Variants in RUNDC3B observed in about 807,000 individuals in gnomAD.
RUNDC3B encodes the protein RUN domain containing 3B.
RUNDC3B carries 33 observed loss-of-function variants against 58.4 expected under a neutral mutation model. The observed-to-expected ratio is 0.56, with a 90% CI of 0.43 to 0.75. The LOEUF is 0.75. Among genes scored for constraint, RUNDC3B ranks in the 30% least tolerant of loss-of-function variants. The pLI, the probability that RUNDC3B is intolerant of heterozygous loss-of-function variation, is 0.00. For synonymous variants in RUNDC3B, 193 were observed against 195.2 expected, an observed-to-expected ratio of 0.99 and a Z score of 0.10; for missense variants, 501 against 535.7, an observed-to-expected ratio of 0.94 and a Z score of 0.64.
chr7:87,639,175 A>AT (rs1249045545), intron 1 of RUNDC3B, among the ~76,000 whole-genome samples: 1 of 151,622 alleles, frequency 6.6e-6, no homozygotes. Flanking sequence ...AAAAAAAAAA[A>AT]ATCTATTGTC....
At chr7:87,715,317 TATAATAATTATATATAATTAATTTATA>T (rs1830472973) in intron 4 of RUNDC3B, among the ~76,000 whole-genome samples, 1 of 131,204 alleles carries the variant, frequency 7.6e-6, no homozygotes. Context: ...ATAATTAATT[TATAATAATTATATATAATTAATTTATA>T]ATAATTATAT....
intron 8 of RUNDC3B, among the ~76,000 whole-genome samples, chr7:87,795,511 C>A (rs1177669484): frequency 6.6e-6 from 1 of 152,082 alleles, no homozygotes; most frequent in Non-Finnish European, 1.5e-5. Context: ...GTAAACTAAA[C>A]CCTTGTACAC....
At chr7:87,716,769 A>T (rs1830578247) in intron 4 of RUNDC3B, among the ~76,000 whole-genome samples, 1 of 152,236 alleles carries the variant, frequency 6.6e-6, no homozygotes, top group Admixed American at 6.5e-5. Context: ...TGATTAGTGT[A>T]GAAATTTAAA....
chr7:87,750,292 G>C (rs1584096515), intron 6 of RUNDC3B, among the ~76,000 whole-genome samples: 1 of 151,852 alleles, frequency 6.6e-6, no homozygotes, highest in East Asian at 1.9e-4. Flanking sequence ...TGGACATTTG[G>C]GTTGGTTCCA....
intron 6 of RUNDC3B, among the ~76,000 whole-genome samples, chr7:87,752,711 T>A (rs1429720220): frequency 2.0e-5 from 3 of 152,138 alleles, no homozygotes; most frequent in African/African-American, 7.2e-5. Flanking sequence ...TCTGTGGGAT[T>A]GGTAGTGATA....
At chr7:87,679,387 C>T (rs1005562764) in intron 2 of RUNDC3B, among the ~76,000 whole-genome samples, 3 of 149,626 alleles carry the variant, frequency 2.0e-5, no homozygotes, top group Admixed American at 6.7e-5. Flanking sequence ...GCCACCGTGC[C>T]CGGCCCCCAA....
intron 4 of RUNDC3B, among the ~76,000 whole-genome samples, chr7:87,730,360 A>G (rs1831505592): frequency 6.6e-6 from 1 of 152,052 alleles, no homozygotes; most frequent in Non-Finnish European, 1.5e-5. Context: ...GCTGACCTGA[A>G]GAGAGAGAAT....
intron 2 of RUNDC3B, among the ~76,000 whole-genome samples, chr7:87,678,978 A>T (rs192349625): frequency 7.0e-4 from 106 of 152,276 alleles, no homozygotes; most frequent in Non-Finnish European, 7.4e-5. Context: ...TATACTTAGC[A>T]ATGTCAACAC....
rs1388934384 is a variant in RUNDC3B at position 87,831,089 on chromosome 7, T to TA, written c.*1062dup. On this transcript the variant is annotated 3_prime_UTR_variant, in exon 11 of 11. Coordinates refer to ENST00000394654, the MANE Select transcript of RUNDC3B (RefSeq NM_001134405.2). ...CAGGTAAAATTAGTTTTTTTTTTTT[T>TA]AAAGTTGTAATCTGTACTTTTTTTT... 2 of 150,112 alleles carry TA rather than the reference T, an allele frequency of 1.3e-5. No homozygotes were observed. Among genetic ancestry groups the TA allele is most frequent in the African/African-American group, 2.5e-5 (1 of 40,748 alleles). 9.3% of individuals were successfully genotyped at this position (150,112 alleles called of 1,614,324 possible). A position where few individuals can be genotyped will look rare whatever the true frequency, so the allele number is the denominator to read the frequency against.
intron 10 of RUNDC3B, among the ~76,000 whole-genome samples, chr7:87,816,589 G>C (rs1346473012): frequency 6.6e-6 from 1 of 152,138 alleles, no homozygotes; most frequent in Non-Finnish European, 1.5e-5. Flanking sequence ...AACTGCTAAT[G>C]TCAGTTCTAT....
chr7:87,672,252 A>T (rs1315901608), intron 2 of RUNDC3B, among the ~76,000 whole-genome samples: 3 of 152,224 alleles, frequency 2.0e-5, no homozygotes, highest in Non-Finnish European at 4.4e-5. Context: ...TGCTTAAAGT[A>T]GCAGTCTAGC....
chr7:87,756,980 C>T (rs752706498), intron 6 of RUNDC3B, among the ~76,000 whole-genome samples: 2 of 151,852 alleles, frequency 1.3e-5, no homozygotes, highest in Non-Finnish European at 2.9e-5. Flanking sequence ...TCTTTTAAAC[C>T]TATTATTATT....
chr7:87,751,950 G>A (rs1833024736), intron 6 of RUNDC3B, among the ~76,000 whole-genome samples: 1 of 152,136 alleles, frequency 6.6e-6, no homozygotes, highest in African/African-American at 2.4e-5. Context: ...CCTGTCTTGT[G>A]CCAGTTTTCA....
intron 2 of RUNDC3B, among the ~76,000 whole-genome samples, chr7:87,696,833 T>A (rs1050397343): frequency 9.2e-5 from 14 of 152,294 alleles, no homozygotes; most frequent in East Asian, 1.9e-4. Context: ...ATCTGGGAAA[T>A]CTTTTCATTA....
At chr7:87,718,865 G>T (rs1830707849) in intron 4 of RUNDC3B, among the ~76,000 whole-genome samples, 1 of 152,034 alleles carries the variant, frequency 6.6e-6, no homozygotes, top group African/African-American at 2.4e-5. Context: ...AGCCAATTCA[G>T]TTAGACAAAA....
At chr7:87,797,039 G>A (rs1193394123) in intron 8 of RUNDC3B, among the ~76,000 whole-genome samples, 1 of 152,136 alleles carries the variant, frequency 6.6e-6, no homozygotes, top group African/African-American at 2.4e-5. Context: ...TGGGACTAAT[G>A]TGTTTAAAAG....
chr7:87,686,951 G>GAAAAAAAAAAA (rs1202632144), intron 2 of RUNDC3B, among the ~76,000 whole-genome samples: 1 of 69,230 alleles, frequency 1.4e-5, no homozygotes, highest in Admixed American at 1.6e-4. Context: ...ATCTCCAAAA[G>GAAAAAAAAAAA]AAAAAAAAAA....
intron 2 of RUNDC3B, among the ~76,000 whole-genome samples, chr7:87,662,567 T>G (rs1824821524): frequency 6.6e-6 from 1 of 152,026 alleles, no homozygotes; most frequent in African/African-American, 2.4e-5. Context: ...AACTGTAGTT[T>G]TATGGATTTA....
chr7:87,713,530 A>G (rs562417804), intron 4 of RUNDC3B, among the ~76,000 whole-genome samples: 109 of 152,222 alleles, frequency 7.2e-4, no homozygotes, highest in Non-Finnish European at 1.1e-3. Flanking sequence ...GAGCAGTTGA[A>G]AAAACAAACA....
Sources: gnomAD v4.1 joint callset for allele counts (sites outside exome capture counted in the v4.1 genomes callset) on GRCh38, gnomAD v4.1.1 for gene constraint, MANE v1.5 for transcripts, NCBI Gene and HGNC (gene_info 2026-07-23, HGNC 2026-07-21) for gene names.